The following TNFRSF8 variants were observed in gnomAD, a reference collection of about 807,000 sequenced individuals.
The protein encoded by TNFRSF8 is tumor necrosis factor receptor superfamily member 8.
TNFRSF8 carries 26 observed loss-of-function variants against 70.8 expected under a neutral mutation model. That is an observed-to-expected ratio of 0.37 (90% CI 0.27 to 0.51). The LOEUF is 0.51. TNFRSF8 is among the 20% of genes least tolerant of loss of function. The probability of loss-of-function intolerance (pLI) is 0.94; values close to 1 mark genes in which losing one functional copy is unlikely to be tolerated. For synonymous variants in TNFRSF8, 356 were observed against 339.2 expected (o/e 1.05, Z -0.54); for missense variants, 720 against 807.9 (o/e 0.89, Z 1.32).
At chr1:12,114,694 C>CT (rs542462017) in intron 7 of TNFRSF8, among the ~76,000 whole-genome samples, 34,528 of 76,434 alleles carry the variant, frequency 0.45, 11,594 homozygotes, top group Non-Finnish European at 0.59. Context: ...GAAAAAAAAT[C>CT]TTTTTTTTTT....
rs1570094801 is a variant in TNFRSF8, at chr1:12,141,746, A to G, written c.1544-541A>G. Among the ~76,000 whole-genome samples the G allele has an allele frequency of 1.3e-5, 2 of 152,194 alleles. No homozygotes were observed. The highest frequency in any genetic ancestry group is 3.9e-4 in the East Asian group (2 of 5,194). ...GGGTTTTGGCTGCAGGCACACAGAT[A>G]GGAGCAGAAAGGGCCACCAGGCGGA... On this transcript the variant is annotated intron_variant, in intron 14 of 14. Transcript: ENST00000263932. The surrounding 1 kb of genome is among the most constrained non-coding windows in gnomAD (Gnocchi z 5.4).
chr1:12,115,777 C>T (rs780155636), intron 8 of TNFRSF8, 48 bp downstream of exon 8: 4 of 1,597,072 alleles, frequency 2.5e-6, no homozygotes, highest in East Asian at 4.5e-5. Flanking sequence ...GAGTCTGTGC[C>T]CCCACTGTTG....
At chr1:12,124,692 C>T (rs1295715723) in intron 10 of TNFRSF8, among the ~76,000 whole-genome samples, 1 of 151,950 alleles carries the variant, frequency 6.6e-6, no homozygotes, top group Non-Finnish European at 1.5e-5. Flanking sequence ...CGTGGTGGCG[C>T]GCGCCTGTAA....
intron 8 of TNFRSF8, among the ~76,000 whole-genome samples, chr1:12,118,369 C>T (rs890926649): frequency 1.3e-5 from 2 of 152,162 alleles, no homozygotes; most frequent in Non-Finnish European, 2.9e-5. Flanking sequence ...CCTCAGCCTC[C>T]CAAAGTGCTG....
At chr1:12,125,767 G>A (rs545634863) in intron 10 of TNFRSF8, 184 bp from the exon 11 acceptor site, 4 of 643,434 alleles carry the variant, frequency 6.2e-6, no homozygotes, top group Non-Finnish European at 8.4e-6. Context: ...TTCAATAGTT[G>A]ATCAGCTTCC....
Position 12,110,269 on chromosome 1 carries a change from T to TG in TNFRSF8, c.676+70dup. 2 of 1,469,966 alleles carry TG rather than the reference T, an allele frequency of 1.4e-6. No homozygotes were observed. The allele number at this position is 1,469,966 out of a possible 1,614,324, so 91.1% of individuals were successfully genotyped here. ...GCTCGATTGGTGGATGGCCCATGAG[T>TG]GGGGGTGTTTGGAGCAGGCGGGCAG... On this transcript the variant is annotated intron_variant, in intron 6 of 14. Transcript: ENST00000263932. The surrounding 1 kb of genome is among the most constrained non-coding windows in gnomAD (Gnocchi z 4.0).
chr1:12,133,100 C>T (rs1389086051), intron 12 of TNFRSF8, among the ~76,000 whole-genome samples: 1 of 152,124 alleles, frequency 6.6e-6, no homozygotes, highest in African/African-American at 2.4e-5. Flanking sequence ...TATAAACCCG[C>T]TGCTGTGCTC....
At chr1:12,126,835 G>A (rs553564807) in intron 12 of TNFRSF8, among the ~76,000 whole-genome samples, 3 of 152,360 alleles carry the variant, frequency 2.0e-5, no homozygotes, top group South Asian at 2.1e-4. Flanking sequence ...TGGATTCGTC[G>A]AGGTCGGGCT....
At chr1:12,136,169 A>G (rs1161062513) in intron 13 of TNFRSF8, among the ~76,000 whole-genome samples, 1 of 152,030 alleles carries the variant, frequency 6.6e-6, no homozygotes, top group Non-Finnish European at 1.5e-5. Flanking sequence ...TTTTCAATAT[A>G]ATATACACAA....
intron 2 of TNFRSF8, among the ~76,000 whole-genome samples, chr1:12,087,602 T>G (rs1310431827): frequency 1.3e-5 from 2 of 152,180 alleles, no homozygotes; most frequent in African/African-American, 4.8e-5. Context: ...TGGTTCCCAC[T>G]CAGTTCTCTC....
At chr1:12,094,182 T>C (rs1291149705) in intron 2 of TNFRSF8, among the ~76,000 whole-genome samples, 1 of 152,070 alleles carries the variant, frequency 6.6e-6, no homozygotes, top group Non-Finnish European at 1.5e-5. Context: ...ACTGTGAAGA[T>C]TGAGCTCACA....
chr1:12,140,225 C>T (rs763691582), intron 14 of TNFRSF8, among the ~76,000 whole-genome samples: 15 of 152,070 alleles, frequency 9.9e-5, no homozygotes, highest in African/African-American at 2.9e-4. Context: ...GTGAGTGGAT[C>T]GGGGGCCACC....
Position 12,110,403 on chromosome 1 carries a change from A to T in TNFRSF8, c.676+199A>T, listed in dbSNP as rs371749189. 1.3e-5 allele frequency among the ~76,000 whole-genome samples: 2 copies of T among 152,144 alleles called. No individual in the cohort carries two copies. Among genetic ancestry groups the T allele is most frequent in the African/African-American group, 4.8e-5 (2 of 41,446 alleles). On this transcript the variant is annotated intron_variant, in intron 6 of 14. Transcript: ENST00000263932. This position sits in a 1 kb window ranked among gnomAD's most constrained non-coding sequence, Gnocchi z 4.0. ...ACACCAGAGGGCTCATTCATTTGCC[A>T]GCAGTGCAGAGGGCCTGCCTTGTGC...
In TNFRSF8 at chr1:12,114,694, C is replaced by CTTTTT. The variant is rs542462017; in HGVS notation, c.794-858_794-854dup. Among the ~76,000 whole-genome samples, 29 of 77,042 alleles carry CTTTTT rather than the reference C, an allele frequency of 3.8e-4. 1 individual carries two copies. The highest frequency in any genetic ancestry group is 1.1e-3 in the African/African-American group (19 of 17,988). 50.5% of individuals were successfully genotyped at this position (77,042 alleles called of 152,430 possible). A position where few individuals can be genotyped will look rare whatever the true frequency, so the allele number is the denominator to read the frequency against. On this transcript the variant is annotated intron_variant, in intron 7 of 14. Transcript: ENST00000263932. ...TTTTTGCTTTTGGAGGAAAAAAAAT[C>CTTTTT]TTTTTTTTTTTTTTTTTTTTTTTTT...
intron 1 of TNFRSF8, among the ~76,000 whole-genome samples, chr1:12,067,904 G>GGC (rs1557570368): frequency 1.8e-5 from 1 of 54,468 alleles, no homozygotes; most frequent in African/African-American, 6.6e-5. Flanking sequence ...GCGGGGGGGC[G>GGC]GGGGGGGGAC....
At chr1:12,084,058 T>A (rs755341119) in intron 1 of TNFRSF8, among the ~76,000 whole-genome samples, 1 of 152,200 alleles carries the variant, frequency 6.6e-6, no homozygotes, top group Non-Finnish European at 1.5e-5. Context: ...TGTGCACTTT[T>A]TTGTACGGGT....
rs141238217 is a variant in TNFRSF8 at position 12,117,422 on chromosome 1, C to T, written c.946+1693C>T. Among the ~76,000 whole-genome samples, 18 of 152,232 alleles carry T rather than the reference C, an allele frequency of 1.2e-4. 1 individual carries two copies. The East Asian group carries it at 2.7e-3, about 23-fold the overall frequency. On this transcript the variant is annotated intron_variant, in intron 8 of 14. Transcript: ENST00000263932. Reference sequence around the variant, plus strand: ...TGAGTCAGAACATTGAAGGAATATCCGGGGAAAGTTCGGGCCACTAGTGGG... The same window carrying T: ...TGAGTCAGAACATTGAAGGAATATCTGGGGAAAGTTCGGGCCACTAGTGGG...
chr1:12,109,723 A>G lies in TNFRSF8; in HGVS notation c.512+67A>G, dbSNP rs553764758. On this transcript the variant is annotated intron_variant, in intron 5 of 14. Transcript: ENST00000263932. This position sits in a 1 kb window ranked among gnomAD's most constrained non-coding sequence, Gnocchi z 4.4. Reference sequence around the variant, plus strand: ...CTTTCAGATGAGGCTGCCCCACCCCACAGGACGCCCATGGTACAACTGGGC... The same window carrying G: ...CTTTCAGATGAGGCTGCCCCACCCCGCAGGACGCCCATGGTACAACTGGGC... 2 of 1,367,236 alleles carry G rather than the reference A, an allele frequency of 1.5e-6. No individual in the cohort carries two copies. Among genetic ancestry groups the G allele is most frequent in the East Asian group, 2.3e-5 (1 of 43,534 alleles). 84.7% of individuals were successfully genotyped at this position (1,367,236 alleles called of 1,614,324 possible).
At chr1:12,068,135 A>G (rs1169137231) in intron 1 of TNFRSF8, among the ~76,000 whole-genome samples, 1 of 152,150 alleles carries the variant, frequency 6.6e-6, no homozygotes, top group African/African-American at 2.4e-5. Flanking sequence ...ATTCATTCTA[A>G]GGTTTTTATA....
Sources: allele counts gnomAD v4.1 joint callset (sites outside exome capture counted in the v4.1 genomes callset), GRCh38; gene constraint gnomAD v4.1.1; non-coding constraint Gnocchi (gnomAD v3.1); transcripts MANE v1.5; gene names NCBI Gene and HGNC (gene_info 2026-07-23, HGNC 2026-07-21).